DNAH2: variants seen among roughly 807,000 people sequenced by gnomAD.
DNAH2 encodes the protein axonemal beta dynein heavy chain 2.
In DNAH2, 323 loss-of-function variants were observed where a neutral mutation model predicts 523.5. The observed-to-expected ratio is 0.62, with a 90% CI of 0.56 to 0.68. DNAH2 has a LOEUF of 0.68. Among genes scored for constraint, DNAH2 ranks in the 30% least tolerant of loss-of-function variants. The pLI, the probability that DNAH2 is intolerant of heterozygous loss-of-function variation, is 0.00. For missense variants in DNAH2, 4,907 were observed against 5,701.5 expected (o/e 0.86, Z 4.49); for synonymous variants, 2,093 against 2,177.4 (o/e 0.96, Z 1.08).
At position 7,818,795 on chromosome 17, in the gene DNAH2, C is replaced by T; in HGVS notation, c.10670+19C>T. The T allele has an allele frequency of 6.2e-7, 1 of 1,613,780 alleles. No individual in the cohort carries two copies. On this transcript the variant is annotated intron_variant, in intron 70 of 85. Transcript: ENST00000572933. ...TCCTGCGGTGAGGCCCTGCCTTCCC[C>T]TCCCACTGCCCCACGGGTCTACTCC...
At chr17:7,781,771 G>T (rs1597639649) in intron 39 of DNAH2, among the ~76,000 whole-genome samples, 1 of 152,356 alleles carries the variant, frequency 6.6e-6, no homozygotes, top group African/African-American at 2.4e-5. Context: ...CGTTGCCTTT[G>T]CACTTTCTCC....
rs763174270 is a variant in DNAH2 at position 7,786,706 on chromosome 17, G to A, written c.6466+19G>A. On this transcript the variant is annotated intron_variant, in intron 41 of 85. Transcript: ENST00000572933. This position sits in a 1 kb window ranked among gnomAD's most constrained non-coding sequence, Gnocchi z 7.5. ...TGTGCAGGTATCCAGAGGATCGTGG[G>A]GTGTGGAGAGCAGACGCCTGAGTCT... 1.2e-6 allele frequency: 2 copies of A among 1,612,028 alleles called. No individual in the cohort carries two copies. The highest frequency in any genetic ancestry group is 1.7e-6 in the Non-Finnish European group (2 of 1,178,556).
rs1436800005 is a variant in DNAH2 at position 7,734,268 on chromosome 17, C to G, written c.714C>G (p.Asp238Glu). ...MNMKPEMVIK[D>E]KELVQRLETS... ...TGAAGCCTGAGATGGTGATAAAGGACAAAGAGCTGGTGCAACGGCTAGAGA... is the reference window on the plus strand; with the variant it reads ...TGAAGCCTGAGATGGTGATAAAGGAGAAAGAGCTGGTGCAACGGCTAGAGA... Residue 238 changes from aspartate (D) to glutamate (E), a missense_variant, in exon 6 of 86, where the codon GAC (aspartate) becomes GAG (glutamate). By Grantham distance (45) the Asp-to-Glu change is conservative. Coordinates refer to ENST00000572933, the MANE Select transcript of DNAH2 (RefSeq NM_020877.5). 3.1e-6 allele frequency: 5 copies of G among 1,607,070 alleles called. No homozygotes were observed. The highest frequency in any genetic ancestry group is 4.2e-6 in the Non-Finnish European group (5 of 1,176,678).
chr17:7,761,883 A>T (rs1597570273), intron 18 of DNAH2, among the ~76,000 whole-genome samples: 1 of 150,992 alleles, frequency 6.6e-6, no homozygotes, highest in East Asian at 1.9e-4. Context: ...ATAAACATTC[A>T]TTGTATGGGC....
chr17:7,768,350 G>T, intron 24 of DNAH2, 83 bp downstream of exon 24: 2 of 1,381,808 alleles, frequency 1.4e-6, no homozygotes, highest in East Asian at 2.3e-5. Flanking sequence ...TCTCCTCTCC[G>T]CAGTGTTCAC....
intron 8 of DNAH2, chr17:7,739,119 C>T (rs1038751921): frequency 1.3e-5 from 8 of 633,106 alleles, no homozygotes; most frequent in Admixed American, 2.2e-5. Context: ...AAATATTGAA[C>T]TTATGGCCAG....
intron 44 of DNAH2, among the ~76,000 whole-genome samples, chr17:7,791,224 C>T (rs538173589): frequency 1.1e-4 from 16 of 152,142 alleles, no homozygotes; most frequent in African/African-American, 3.6e-4. Flanking sequence ...ACAGGCACCA[C>T]CACACCCGGC....
At chr17:7,740,368 G>C in intron 9 of DNAH2, 52 bp from the exon 10 acceptor site, 2 of 1,606,352 alleles carry the variant, frequency 1.2e-6, no homozygotes, top group African/African-American at 1.3e-5. Context: ...AGGGGTTGGA[G>C]TTGGGGGCAG....
At chr17:7,759,974 T>C in intron 17 of DNAH2, 36 bp downstream of exon 17, 1 of 1,613,512 alleles carries the variant, frequency 6.2e-7, no homozygotes, top group Non-Finnish European at 8.5e-7. Flanking sequence ...AGGCACAGGG[T>C]TTCAGAGGCT....
At chr17:7,790,160 G>A (rs1385581207) in intron 44 of DNAH2, among the ~76,000 whole-genome samples, 5 of 152,234 alleles carry the variant, frequency 3.3e-5, no homozygotes, top group South Asian at 2.1e-4. Flanking sequence ...TATCTGTCAC[G>A]TGCCCTCTGG....
At chr17:7,794,419 C>T in intron 49 of DNAH2, 61 bp downstream of exon 49, 1 of 1,471,432 alleles carries the variant, frequency 6.8e-7, no homozygotes, top group South Asian at 1.3e-5. Flanking sequence ...GTGTCTGTCT[C>T]AGAGAAGCAG....
At chr17:7,788,021 G>A (rs1597659510) in intron 43 of DNAH2, 24 bp downstream of exon 43, 2 of 1,613,544 alleles carry the variant, frequency 1.2e-6, no homozygotes, top group Non-Finnish European at 1.7e-6. Flanking sequence ...TGAGGAGAGG[G>A]AAAGTAACCA....
intron 39 of DNAH2, among the ~76,000 whole-genome samples, chr17:7,783,471 G>T (rs1476399399): frequency 6.6e-6 from 1 of 152,086 alleles, no homozygotes; most frequent in East Asian, 1.9e-4. Context: ...TTAGAGATAA[G>T]CACATTAAAA....
At chr17:7,781,505 G>A (rs901861500) in intron 39 of DNAH2, among the ~76,000 whole-genome samples, 12 of 151,714 alleles carry the variant, frequency 7.9e-5, no homozygotes, top group South Asian at 2.1e-4. Flanking sequence ...CAAAAAAACC[G>A]CACTCTCCCT....
At chr17:7,752,165 A>ACACT (rs112585179) in intron 12 of DNAH2, among the ~76,000 whole-genome samples, 5,482 of 148,338 alleles carry the variant, frequency 0.037, 350 homozygotes, top group African/African-American at 0.12. Context: ...CATTTTACAC[A>ACACT]CACACACACA....
Position 7,778,320 on chromosome 17 carries a change from G to A in DNAH2, c.5392G>A (p.Gly1798Arg), listed in dbSNP as rs1185071796. The change falls in exon 35 of 86, where the codon GGG becomes AGG. Residue 1798 changes from glycine to arginine, a missense_variant. Physicochemically the swap from Gly to Arg is moderately radical, Grantham distance 125. This residue lies in a region of DNAH2 where 2,806 missense variants were observed against 3,190.8 expected (regional missense o/e 0.88). Transcript: ENST00000572933. Reference protein sequence around the residue: ...TLTTALHLHRGGSPKGPAGTG... With the variant: ...TLTTALHLHRRGSPKGPAGTG... ...GACCACGGCATTGCACCTGCACCGA[G>A]GGGGCTCCCCCAAAGGCCCTGCAGG... 14 of 1,614,084 alleles carry A rather than the reference G, an allele frequency of 8.7e-6. No homozygotes were observed. The highest frequency in any genetic ancestry group is 1.2e-5 in the Non-Finnish European group (14 of 1,180,044).
At chr17:7,759,174 C>A in intron 15 of DNAH2, 50 bp downstream of exon 15, 1 of 1,606,354 alleles carries the variant, frequency 6.2e-7, no homozygotes, top group Non-Finnish European at 8.5e-7. Context: ...CACAGTCCCC[C>A]AGTTCCATCA....
At chr17:7,777,861 CCAGGCAGCTGCTG>C (rs1235018748) in intron 33 of DNAH2, among the ~76,000 whole-genome samples, 1 of 152,152 alleles carries the variant, frequency 6.6e-6, no homozygotes, top group Non-Finnish European at 1.5e-5. Flanking sequence ...CAGAAACACT[CCAGGCAGCTGCTG>C]CATTGGGTCG....
intron 72 of DNAH2, among the ~76,000 whole-genome samples, chr17:7,820,059 A>G (rs1183482823): frequency 6.6e-6 from 1 of 152,002 alleles, no homozygotes. Context: ...TCCTCCTGCC[A>G]TGGTCTCCCA....
Sources: gnomAD v4.1 joint callset for allele counts (sites outside exome capture counted in the v4.1 genomes callset) on GRCh38, gnomAD v4.1.1 for gene constraint, gnomAD v4.1.1 regional missense constraint, Gnocchi (gnomAD v3.1) non-coding constraint, MANE v1.5 for transcripts, NCBI Gene and HGNC (gene_info 2026-07-23, HGNC 2026-07-21) for gene names.